MARCHF8: variants seen among roughly 807,000 people sequenced by gnomAD.
MARCHF8 encodes the protein membrane associated ring-CH-type finger 8, also known as E3 ubiquitin-protein ligase MARCHF8.
A neutral mutation model predicts 51.6 loss-of-function variants in MARCHF8; 40 were observed. That is an observed-to-expected ratio of 0.77 (90% CI 0.60 to 1.01). The LOEUF is 1.01. MARCHF8 is among the 50% of genes least tolerant of loss of function. The pLI is 0.00. For missense variants in MARCHF8, 685 were observed against 708.6 expected (o/e 0.97, Z 0.38); for synonymous variants, 263 against 280.3 (o/e 0.94, Z 0.62).
chr10:45,584,126 C>T (rs1589195689), intron 1 of MARCHF8, among the ~76,000 whole-genome samples: 2 of 85,366 alleles, frequency 2.3e-5, no homozygotes, highest in Non-Finnish European at 2.3e-5. Context: ...TATATACAAT[C>T]ATATATATAT....
chr10:45,475,256 G>A (rs560907054), intron 3 of MARCHF8, among the ~76,000 whole-genome samples: 4 of 152,294 alleles, frequency 2.6e-5, no homozygotes, highest in Admixed American at 2.0e-4. Context: ...CTCCCTAGCC[G>A]CTGGCATACC....
At chr10:45,562,031 G>A (rs558069632) in intron 1 of MARCHF8, among the ~76,000 whole-genome samples, 3 of 151,894 alleles carry the variant, frequency 2.0e-5, no homozygotes, top group South Asian at 4.1e-4. Context: ...AACCAAATGA[G>A]TTAATTAAAT....
chr10:45,489,071 C>A (rs1031277318), intron 3 of MARCHF8, among the ~76,000 whole-genome samples: 11 of 152,024 alleles, frequency 7.2e-5, no homozygotes, highest in Admixed American at 3.3e-4. Flanking sequence ...CAAATATATT[C>A]CTAATTGTGG....
At chr10:45,579,790 G>A (rs1017462385) in intron 1 of MARCHF8, among the ~76,000 whole-genome samples, 1 of 151,960 alleles carries the variant, frequency 6.6e-6, no homozygotes, top group African/African-American at 2.4e-5. Context: ...GAGGTGGGTG[G>A]ATTACCTGAG....
upstream of MARCHF8, among the ~76,000 whole-genome samples, chr10:45,537,288 G>A (rs187058517): frequency 7.9e-5 from 12 of 152,124 alleles, no homozygotes; most frequent in Admixed American, 2.0e-4. Context: ...TCCATTCAAC[G>A]GAATCATATT....
chr10:45,518,144 T>G (rs2043649613), intron 2 of MARCHF8, among the ~76,000 whole-genome samples: 1 of 152,182 alleles, frequency 6.6e-6, no homozygotes, highest in African/African-American at 2.4e-5. Context: ...CTTGGTTGTC[T>G]GAGATAAAAG....
intron 2 of MARCHF8, among the ~76,000 whole-genome samples, chr10:45,504,867 C>A (rs1249913618): frequency 2.0e-5 from 3 of 152,178 alleles, no homozygotes; most frequent in Non-Finnish European, 4.4e-5. Flanking sequence ...TCCCTTACTG[C>A]GTCCCTCTTC....
chr10:45,492,667 T>C (rs2043105480), intron 2 of MARCHF8, among the ~76,000 whole-genome samples: 1 of 152,212 alleles, frequency 6.6e-6, no homozygotes, highest in Admixed American at 6.5e-5. Flanking sequence ...TCAGAGATAT[T>C]TTCCAGAAAG....
intron 1 of MARCHF8, among the ~76,000 whole-genome samples, chr10:45,563,514 T>C (rs1304866198): frequency 1.3e-5 from 2 of 152,138 alleles, no homozygotes; most frequent in Non-Finnish European, 2.9e-5. Flanking sequence ...TCTATGATAA[T>C]ATCTCAAGAA....
chr10:45,503,891 G>A (rs2043329905), intron 2 of MARCHF8, among the ~76,000 whole-genome samples: 1 of 152,022 alleles, frequency 6.6e-6, no homozygotes, highest in Non-Finnish European at 1.5e-5. Flanking sequence ...TATATTATAT[G>A]ATTCCATCTA....
intron 1 of MARCHF8, among the ~76,000 whole-genome samples, chr10:45,546,350 A>G (rs1279858008): frequency 1.3e-5 from 2 of 151,684 alleles, no homozygotes; most frequent in African/African-American, 4.8e-5. Flanking sequence ...TTTAGTAGAG[A>G]CAGGGTTTCA....
chr10:45,589,430 GCTT>G lies in MARCHF8; in HGVS notation c.-79+4802_-79+4804del, dbSNP rs777984513. On this transcript the variant is annotated intron_variant, in intron 1 of 6. Transcript: ENST00000319836. ...AAAAATTTCCTTCTTTCCACTAATA[GCTT>G]TTTTGCAGGTGTGCAATTCAATAGT... 1.8e-4 allele frequency among the ~76,000 whole-genome samples: 27 copies of G among 152,258 alleles called. No individual in the cohort carries two copies. In the East Asian group the frequency reaches 3.5e-3, roughly 20 times the overall value.
At chr10:45,517,981 T>C (rs1354706370) in intron 2 of MARCHF8, among the ~76,000 whole-genome samples, 1 of 152,242 alleles carries the variant, frequency 6.6e-6, no homozygotes, top group African/African-American at 2.4e-5. Context: ...ATCGTGATCT[T>C]AGCAATCTAT....
Position 45,454,652 on chromosome 10 carries a change from CAGAG to C in MARCHF8, c.*3583_*3586del, listed in dbSNP as rs1386347901. 2 of 152,208 alleles carry C rather than the reference CAGAG, an allele frequency of 1.3e-5. No homozygotes were observed. Among genetic ancestry groups the C allele is most frequent in the Non-Finnish European group, 2.9e-5 (2 of 68,042 alleles). 9.4% of individuals were successfully genotyped at this position (152,208 alleles called of 1,614,324 possible). ...AGTGTATAGCACAAACCCCCCTGTA[CAGAG>C]AATTATTCAAGTGGTAATACTGAGA... On this transcript the variant is annotated 3_prime_UTR_variant, in exon 8 of 8. Coordinates refer to ENST00000453424, the MANE Select transcript of MARCHF8 (RefSeq NM_001282866.2).
chr10:45,504,559 T>A (rs1420470106), intron 2 of MARCHF8, among the ~76,000 whole-genome samples: 2 of 152,252 alleles, frequency 1.3e-5, no homozygotes, highest in Non-Finnish European at 2.9e-5. Flanking sequence ...ACACCAGCTA[T>A]CTAATTACAA....
chr10:45,557,066 C>A (rs150141867), intron 1 of MARCHF8, among the ~76,000 whole-genome samples: 2 of 145,858 alleles, frequency 1.4e-5, no homozygotes, highest in African/African-American at 2.5e-5. Context: ...AGAATTTTTT[C>A]ATCTTGCAAA....
chr10:45,492,706 AT>A (rs1454485619), intron 2 of MARCHF8, among the ~76,000 whole-genome samples: 1 of 152,242 alleles, frequency 6.6e-6, no homozygotes, highest in Non-Finnish European at 1.5e-5. Flanking sequence ...CAAATCAGTC[AT>A]TCTTTCCACA....
chr10:45,486,547 G>A (rs2042982394), intron 3 of MARCHF8, among the ~76,000 whole-genome samples: 1 of 152,100 alleles, frequency 6.6e-6, no homozygotes, highest in Admixed American at 6.5e-5. Context: ...CTGGGCTACG[G>A]AGCGAGACTC....
chr10:45,589,931 G>C (rs762355167), intron 1 of MARCHF8, among the ~76,000 whole-genome samples: 1 of 152,150 alleles, frequency 6.6e-6, no homozygotes, highest in African/African-American at 2.4e-5. Flanking sequence ...TATATACCTA[G>C]GAGTGGAACT....
Sources: gnomAD v4.1 joint callset for allele counts (sites outside exome capture counted in the v4.1 genomes callset) on GRCh38, gnomAD v4.1.1 for gene constraint, MANE v1.5 for transcripts, NCBI Gene and HGNC (gene_info 2026-07-23, HGNC 2026-07-21) for gene names.